Variants in FAM217B observed in about 807,000 individuals in gnomAD.
FAM217B encodes the protein family with sequence similarity 217 member B, also known as protein FAM217B.
For missense variants in FAM217B, 463 were observed against 456.9 expected (o/e 1.01, Z -0.12); for synonymous variants, 163 against 173.0 (o/e 0.94, Z 0.45).
In FAM217B at chr20:59,947,048, A is replaced by G. The variant is rs1490195693; in HGVS notation, c.*1953A>G. The G allele has an allele frequency of 1.2e-5, 2 of 167,082 alleles. No individual in the cohort carries two copies. The highest frequency in any genetic ancestry group is 4.8e-5 in the African/African-American group (2 of 41,454). The allele number at this position is 167,082 out of a possible 1,614,324, so 10.3% of individuals were successfully genotyped here. A position where few individuals can be genotyped will look rare whatever the true frequency, so the allele number is the denominator to read the frequency against. On this transcript the variant is annotated 3_prime_UTR_variant, in exon 4 of 4. Coordinates refer to ENST00000360816, the MANE Select transcript of FAM217B (RefSeq NM_022106.3). Reference sequence around the variant, plus strand: ...TCTATACATATGTGTATATGTATATATACTCCTTATGTTAATACTAAAGTG... The same window carrying G: ...TCTATACATATGTGTATATGTATATGTACTCCTTATGTTAATACTAAAGTG...
chr20:59,939,789 C>A (rs904848405), upstream of FAM217B: 8 of 1,227,106 alleles, frequency 6.5e-6, no homozygotes, highest in African/African-American at 1.2e-4. Context: ...CGGCGCGCGG[C>A]CCGGGCTCCC....
rs373364102 is a variant in FAM217B at position 59,935,191 on chromosome 20, G to A, written c.-326+1338G>A. On this transcript the variant is annotated intron_variant, in intron 1 of 4. Coordinates refer to the FAM217B transcript ENST00000358293. ...TAATTATTTTCATACCTAGTTTTCC[G>A]CCAATAGATCTAAGATCCTTCATGG... is the stretch of plus-strand genomic sequence containing the variant. Among the ~76,000 whole-genome samples, 20 of 152,204 alleles carry A rather than the reference G, an allele frequency of 1.3e-4. No individual in the cohort carries two copies. The East Asian group carries it at 3.1e-3, about 23-fold the overall frequency.
rs187638464 is a variant in FAM217B at position 59,946,509 on chromosome 20, C to T, written c.*1414C>T. On this transcript the variant is annotated 3_prime_UTR_variant, in exon 4 of 4. Transcript: ENST00000360816. ...ACAGCATAAAGACAAGATTATGTAG[C>T]TCTAATTATACGTATATAATTATAA... is the stretch of plus-strand genomic sequence containing the variant. 1 of 167,068 alleles carries T rather than the reference C, an allele frequency of 6.0e-6. No individual in the cohort carries two copies. 10.3% of individuals were successfully genotyped at this position (167,068 alleles called of 1,614,324 possible).
upstream of FAM217B, chr20:59,939,720 C>CGCCGCAGGATGATGG (rs1315261580): frequency 4.6e-6 from 6 of 1,313,690 alleles, no homozygotes; most frequent in Non-Finnish European, 5.8e-6. Flanking sequence ...TGAGCGCGCC[C>CGCCGCAGGATGATGG]GCCGCAGGAT....
At position 59,948,466 on chromosome 20, in the gene FAM217B, C is replaced by T. The variant is rs571494760; in HGVS notation, c.*3371C>T. The T allele has an allele frequency of 1.2e-5, 2 of 166,720 alleles. No individual in the cohort carries two copies. The highest frequency in any genetic ancestry group is 2.4e-5 in the African/African-American group (1 of 41,342). The allele number at this position is 166,720 out of a possible 1,614,324, so 10.3% of individuals were successfully genotyped here. ...CATAGAAATATAACTCTTGGTGGTA[C>T]TGTATTTTAAGGTAATTCAGAAGCA... On this transcript the variant is annotated 3_prime_UTR_variant, in exon 4 of 4. Transcript: ENST00000360816.
chr20:59,942,180 G>C lies in FAM217B; in HGVS notation c.-202-18G>C, dbSNP rs938334831. 6.6e-6 allele frequency: 1 copy of C among 152,616 alleles called. No individual in the cohort carries two copies. Among genetic ancestry groups the C allele is most frequent in the African/African-American group, 2.4e-5 (1 of 41,456 alleles). 9.5% of individuals were successfully genotyped at this position (152,616 alleles called of 1,614,324 possible). A position where few individuals can be genotyped will look rare whatever the true frequency, so the allele number is the denominator to read the frequency against. On this transcript the variant is annotated intron_variant, in intron 1 of 3. Transcript: ENST00000360816. ...CATTTGCAATCAATAGTTACTGACA[G>C]TATTCTGTTGCTTCTAGTTCCGGTG...
upstream of FAM217B, among the ~76,000 whole-genome samples, chr20:59,936,474 G>A (rs1381021759): frequency 1.3e-5 from 2 of 152,160 alleles, no homozygotes; most frequent in Non-Finnish European, 1.5e-5. Context: ...TGAGGGTCAC[G>A]ATCCGGAAGG....
rs1217678678 is a variant in FAM217B at position 59,946,504 on chromosome 20, TG to T, written c.*1410del. 1 of 167,050 alleles carries T rather than the reference TG, an allele frequency of 6.0e-6. No individual in the cohort carries two copies. The highest frequency in any genetic ancestry group is 2.4e-5 in the African/African-American group (1 of 41,438). The allele number at this position is 167,050 out of a possible 1,614,324, so 10.3% of individuals were successfully genotyped here. On this transcript the variant is annotated 3_prime_UTR_variant, in exon 4 of 4. Coordinates refer to ENST00000360816, the MANE Select transcript of FAM217B (RefSeq NM_022106.3). ...CAAAAACAGCATAAAGACAAGATTA[TG>T]TAGCTCTAATTATACGTATATAATT...
At chr20:59,938,101 A>AT (rs1216190102), upstream of FAM217B, 1 of 152,232 alleles carries the variant, frequency 6.6e-6, no homozygotes, top group South Asian at 2.1e-4. Context: ...AGTCACCTTA[A>AT]TCATCAAAAA....
At position 59,944,095 on chromosome 20, in the gene FAM217B, G is replaced by A. The variant is rs975048546; in HGVS notation, c.152G>A (p.Ser51Asn). ...CCTACTGAAGAAAAACTTAAAGAAA[G>A]CATTTCCCCGGAAGCAAGACGCAAA... is the stretch of plus-strand genomic sequence containing the variant. ...TQPTEEKLKE[S>N]ISPEARRKRN... Residue 51 changes from serine to asparagine, a missense_variant, in exon 4 of 4, where the codon AGC (serine) becomes AAC (asparagine). Ser to Asn is a conservative substitution (Grantham distance 46, BLOSUM62 1). Transcript: ENST00000360816. The A allele has an allele frequency of 1.1e-5, 18 of 1,614,000 alleles. No homozygotes were observed. The highest frequency in any genetic ancestry group is 1.3e-5 in the Non-Finnish European group (15 of 1,180,016).
upstream of FAM217B, chr20:59,939,421 G>C: frequency 6.2e-7 from 1 of 1,610,958 alleles, no homozygotes; most frequent in Non-Finnish European, 8.5e-7. Flanking sequence ...CGCTGCAGGC[G>C]CTCGCCAAAG....
chr20:59,947,001 T>C lies in FAM217B; in HGVS notation c.*1906T>C, dbSNP rs1332478818. 3.6e-5 allele frequency: 6 copies of C among 167,046 alleles called. No homozygotes were observed. The highest frequency in any genetic ancestry group is 1.4e-4 in the African/African-American group (6 of 41,440). The allele number at this position is 167,046 out of a possible 1,614,324, so 10.3% of individuals were successfully genotyped here. A position where few individuals can be genotyped will look rare whatever the true frequency, so the allele number is the denominator to read the frequency against. On this transcript the variant is annotated 3_prime_UTR_variant, in exon 4 of 4. Transcript: ENST00000360816. ...GCTCTCTATGAAGTTTCATGGCCCA[T>C]AGATATTCAAAAGCAAGATATTCTA... is the stretch of plus-strand genomic sequence containing the variant.
At chr20:59,934,928 T>C (rs894140265) in intron 1 of FAM217B, among the ~76,000 whole-genome samples, 2 of 152,228 alleles carry the variant, frequency 1.3e-5, no homozygotes, top group African/African-American at 2.4e-5. Context: ...TACCAACTTC[T>C]TGACAACTTT....
intron 1 of FAM217B, among the ~76,000 whole-genome samples, chr20:59,935,337 C>G (rs986231501): frequency 1.2e-4 from 19 of 152,092 alleles, no homozygotes; most frequent in Admixed American, 1.2e-3. Flanking sequence ...TTCATGTGTT[C>G]AGGAAGCCTG....
chr20:59,934,387 G>A lies in FAM217B; in HGVS notation c.-326+534G>A, dbSNP rs79734559. On this transcript the variant is annotated intron_variant, in intron 1 of 4. Transcript: ENST00000358293. Reference sequence around the variant, plus strand: ...CTGAGACAGGCACAGCCGCGAAAGGGTCTCCTTGCCCCTTGGCTCGCAGAG... The same window carrying A: ...CTGAGACAGGCACAGCCGCGAAAGGATCTCCTTGCCCCTTGGCTCGCAGAG... 9.2e-3 allele frequency among the ~76,000 whole-genome samples: 1,404 copies of A among 152,354 alleles called. 12 individuals are homozygous for A. The highest frequency in any genetic ancestry group is 0.016 in the Non-Finnish European group (1,079 of 68,034).
In FAM217B at chr20:59,944,354, A is replaced by G. The variant is rs369470165; in HGVS notation, c.411A>G (p.Lys137=). The G allele has an allele frequency of 1.5e-5, 25 of 1,613,724 alleles. No homozygotes were observed. In the African/African-American group the frequency reaches 2.9e-4, roughly 19 times the overall value. Residue 137 remains lysine (K), a synonymous_variant, in exon 4 of 4, where the codon AAA becomes AAG. Coordinates refer to ENST00000360816, the MANE Select transcript of FAM217B (RefSeq NM_022106.3). ...TTCACCCTGGTCAGGGCCATACAAA[A>G]CCTGAATACTATTATCCTAATTTCC... is the stretch of plus-strand genomic sequence containing the variant. ...FDLHPGQGHT[K]PEYYYPNFLP...
At chr20:59,943,332 A>G (rs1029302941) in intron 3 of FAM217B, among the ~76,000 whole-genome samples, 43 of 152,112 alleles carry the variant, frequency 2.8e-4, no homozygotes, top group Admixed American at 2.0e-4. Flanking sequence ...TTTAAACACA[A>G]TTTTCCCAAA....
intron 1 of FAM217B, among the ~76,000 whole-genome samples, chr20:59,934,433 A>G (rs867287364): frequency 3.3e-5 from 5 of 152,112 alleles, no homozygotes; most frequent in African/African-American, 9.7e-5. Flanking sequence ...TTCGGCGCTC[A>G]GTCTTCTGCG....
At chr20:59,940,002 G>A (rs2060890482), upstream of FAM217B, 4 of 1,190,842 alleles carry the variant, frequency 3.4e-6, no homozygotes, top group Admixed American at 8.4e-5. Flanking sequence ...AGCTCCCTCC[G>A]TGCTCAGAAG....
Sources: gnomAD v4.1 joint callset for allele counts (sites outside exome capture counted in the v4.1 genomes callset) on GRCh38, gnomAD v4.1.1 for gene constraint, MANE v1.5 for transcripts, NCBI Gene and HGNC (gene_info 2026-07-23, HGNC 2026-07-21) for gene names.